Variants in ZFHX3 observed in about 807,000 individuals in gnomAD.
ZFHX3 encodes zinc finger homeobox protein 3.
Under a neutral mutation model 279.1 loss-of-function variants are expected in ZFHX3, and 42 were observed. The observed-to-expected ratio is 0.15, with a 90% CI of 0.12 to 0.19. The LOEUF (loss-of-function observed/expected upper bound fraction) is 0.19, where lower values mean the gene tolerates loss of function less well. Among genes scored for constraint, ZFHX3 ranks in the 10% least tolerant of loss-of-function variants. The probability of loss-of-function intolerance (pLI) is 1.00; values close to 1 mark genes in which losing one functional copy is unlikely to be tolerated. For synonymous variants in ZFHX3, 2,293 were observed against 1,957.8 expected, an observed-to-expected ratio of 1.17 and a Z score of -4.52; for missense variants, 4,981 against 4,754.0, an observed-to-expected ratio of 1.05 and a Z score of -1.40.
chr16:73,684,594 G>A (rs1213916779), intron 1 of ZFHX3, among the ~76,000 whole-genome samples: 1 of 152,058 alleles, frequency 6.6e-6, no homozygotes, highest in Non-Finnish European at 1.5e-5. Context: ...TGGCAAAGAG[G>A]ATTTAAGGTT....
intron 3 of ZFHX3, among the ~76,000 whole-genome samples, chr16:73,376,540 C>A (rs1304517310): frequency 6.6e-6 from 1 of 152,164 alleles, no homozygotes; most frequent in Non-Finnish European, 1.5e-5. Context: ...AAAGGCACAG[C>A]CATCTGGGAC....
At position 72,991,660 on chromosome 16, in the gene ZFHX3, T is replaced by C. The variant is rs192755824; in HGVS notation, c.-49-31466A>G. On this transcript the variant is annotated intron_variant, in intron 1 of 9. Coordinates refer to ENST00000268489, the MANE Select transcript of ZFHX3 (RefSeq NM_006885.4). ...AGAACATGTTCTCATGTCATTTGCA[T>C]AGCAATCCAACAAAGGCCGTATTCT... 4.6e-5 allele frequency among the ~76,000 whole-genome samples: 7 copies of C among 152,348 alleles called. No homozygotes were observed. In the East Asian group the frequency reaches 5.8e-4, roughly 13 times the overall value.
At chr16:73,211,950 T>C (rs999558744) in intron 5 of ZFHX3, among the ~76,000 whole-genome samples, 2 of 152,056 alleles carry the variant, frequency 1.3e-5, no homozygotes, top group Admixed American at 1.3e-4. Flanking sequence ...AAGATTTTAT[T>C]AGAAAAAGAA....
intron 2 of ZFHX3, among the ~76,000 whole-genome samples, chr16:73,675,759 T>C (rs2052948069): frequency 6.6e-6 from 1 of 151,502 alleles, no homozygotes; most frequent in Non-Finnish European, 1.5e-5. Context: ...AAATTCTGAG[T>C]TACACAAAAA....
At chr16:72,941,194 T>C (rs1960394268) in intron 3 of ZFHX3, among the ~76,000 whole-genome samples, 1 of 152,372 alleles carries the variant, frequency 6.6e-6, no homozygotes. Context: ...AAAGTAAGTT[T>C]GAACAAACAG....
chr16:72,952,620 T>C (rs918814686), intron 2 of ZFHX3, among the ~76,000 whole-genome samples: 2 of 152,140 alleles, frequency 1.3e-5, no homozygotes, highest in Admixed American at 6.5e-5. Flanking sequence ...AGGAAGTGGA[T>C]TGAGACAGGC....
chr16:72,829,219 C>T (rs1213742844), intron 5 of ZFHX3, among the ~76,000 whole-genome samples: 1 of 150,384 alleles, frequency 6.6e-6, no homozygotes, highest in Non-Finnish European at 1.5e-5. Flanking sequence ...CGCTATGTTG[C>T]CCAGGCAGGT....
intron 2 of ZFHX3, among the ~76,000 whole-genome samples, chr16:73,571,730 T>C (rs146064257): frequency 2.0e-5 from 3 of 152,308 alleles, no homozygotes; most frequent in African/African-American, 7.2e-5. Flanking sequence ...ACTTCTTAAA[T>C]ACTGGTGTGA....
At chr16:72,848,950 C>G (rs1300422084) in intron 4 of ZFHX3, among the ~76,000 whole-genome samples, 4 of 152,098 alleles carry the variant, frequency 2.6e-5, no homozygotes, top group South Asian at 2.1e-4. Context: ...TTATGCTTGG[C>G]AAACAACCCA....
At chr16:72,852,827 C>A (rs1418207598) in intron 4 of ZFHX3, among the ~76,000 whole-genome samples, 1 of 152,176 alleles carries the variant, frequency 6.6e-6, no homozygotes, top group East Asian at 1.9e-4. Flanking sequence ...AGCTTAGAAG[C>A]TTTCTCTTTG....
intron 1 of ZFHX3, among the ~76,000 whole-genome samples, chr16:73,032,683 C>T (rs1239851507): frequency 7.1e-6 from 1 of 140,176 alleles, no homozygotes; most frequent in Admixed American, 7.2e-5. Flanking sequence ...AAAAAAAGAA[C>T]AGGAAAAAAA....
intron 5 of ZFHX3, among the ~76,000 whole-genome samples, chr16:73,144,950 T>C (rs952894102): frequency 6.6e-6 from 1 of 152,228 alleles, no homozygotes; most frequent in Non-Finnish European, 1.5e-5. Context: ...CATTGCAATC[T>C]AACACCCTCA....
At position 73,339,608 on chromosome 16, in the gene ZFHX3, G is replaced by A. The variant is rs369594308; in HGVS notation, c.-1290-21272C>T. ...ACGTTTTGCCACCTCACCAATAGTA[G>A]GAGAGAAAATTCACTGGGCTGGGAG... On this transcript the variant is annotated intron_variant, in intron 3 of 17. Transcript: ENST00000641206. Among the ~76,000 whole-genome samples the A allele has an allele frequency of 2.7e-4, 41 of 152,236 alleles. No homozygotes were observed. The East Asian group carries it at 3.3e-3, about 12-fold the overall frequency.
intron 6 of ZFHX3, among the ~76,000 whole-genome samples, chr16:73,136,154 T>A (rs1966786757): frequency 6.6e-6 from 1 of 152,210 alleles, no homozygotes; most frequent in Non-Finnish European, 1.5e-5. Flanking sequence ...TTGTATTATT[T>A]GCATAATCCA....
chr16:72,879,341 C>T (rs2038400542), intron 4 of ZFHX3, among the ~76,000 whole-genome samples: 1 of 152,154 alleles, frequency 6.6e-6, no homozygotes, highest in African/African-American at 2.4e-5. Context: ...AGCATCTACC[C>T]CAACCAGAGC....
chr16:73,103,363 ACT>A (rs34817649), intron 7 of ZFHX3, among the ~76,000 whole-genome samples: 7,709 of 151,576 alleles, frequency 0.051, 651 homozygotes, highest in African/African-American at 0.18. Flanking sequence ...CCCAAACCAG[ACT>A]CTGCCTCTTC....
At chr16:73,386,678 G>A (rs929304109) in intron 3 of ZFHX3, 1 of 151,978 alleles carries the variant, frequency 6.6e-6, no homozygotes, top group African/African-American at 2.4e-5. Flanking sequence ...ACTTAAAGAA[G>A]GGGTTCAAGA....
intron 2 of ZFHX3, among the ~76,000 whole-genome samples, chr16:73,480,164 AT>A (rs367636601): frequency 0.013 from 1,785 of 141,802 alleles, 28 homozygotes; most frequent in African/African-American, 0.035. Context: ...TAAAGCAGCT[AT>A]TTTTTTTTTT....
intron 3 of ZFHX3, among the ~76,000 whole-genome samples, chr16:72,906,990 A>G (rs1292064712): frequency 6.6e-6 from 1 of 152,198 alleles, no homozygotes; most frequent in African/African-American, 2.4e-5. Context: ...GCACAGTGGC[A>G]TGTGGACACA....
Sources: gnomAD v4.1 joint callset for allele counts (sites outside exome capture counted in the v4.1 genomes callset) on GRCh38, gnomAD v4.1.1 for gene constraint, MANE v1.5 for transcripts, NCBI Gene and HGNC (gene_info 2026-07-23, HGNC 2026-07-21) for gene names.